The following GAB2 variants were observed in gnomAD, a reference collection of about 807,000 sequenced individuals.
GAB2 encodes GRB2-associated-binding protein 2.
Under a neutral mutation model 65.5 loss-of-function variants are expected in GAB2, and 26 were observed. The observed-to-expected ratio is 0.40, with a 90% CI of 0.29 to 0.55. GAB2 has a LOEUF of 0.55. GAB2 is among the 20% of genes least tolerant of loss of function. GAB2 has a pLI of 0.53. For synonymous variants in GAB2, 321 were observed against 329.6 expected (o/e 0.97, Z 0.28); for missense variants, 884 against 875.8 (o/e 1.01, Z -0.12).
chr11:78,351,119 G>A (rs879138604), intron 1 of GAB2, among the ~76,000 whole-genome samples: 1 of 152,128 alleles, frequency 6.6e-6, no homozygotes, highest in Non-Finnish European at 1.5e-5. Context: ...GAGAACAAGG[G>A]AGCCAGAGTT....
chr11:78,412,138 C>CAA (rs199965865), intron 1 of GAB2, among the ~76,000 whole-genome samples: 25,788 of 139,862 alleles, frequency 0.18, 2,769 homozygotes, highest in East Asian at 0.45. Context: ...AACTCCATCT[C>CAA]AAAAAAAAAA....
At chr11:78,303,511 T>C (rs1466451169) in intron 1 of GAB2, among the ~76,000 whole-genome samples, 1 of 152,188 alleles carries the variant, frequency 6.6e-6, no homozygotes, top group African/African-American at 2.4e-5. Flanking sequence ...CTTCCTATGT[T>C]TAAATAATAT....
rs751533828 is a variant in GAB2, at chr11:78,267,857, C to CAAAAAA, written c.376+12738_376+12743dup. 1.4e-3 allele frequency among the ~76,000 whole-genome samples: 47 copies of CAAAAAA among 32,768 alleles called. 2 individuals are homozygous for CAAAAAA. Among genetic ancestry groups the CAAAAAA allele is most frequent in the African/African-American group, 3.0e-3 (31 of 10,306 alleles). 21.5% of individuals were successfully genotyped at this position (32,768 alleles called of 152,430 possible). A position where few individuals can be genotyped will look rare whatever the true frequency, so the allele number is the denominator to read the frequency against. On this transcript the variant is annotated intron_variant, in intron 2 of 9. Transcript: ENST00000361507. ...TGGGTGATAGAGCGAGACTCCGTCT[C>CAAAAAA]AAAAAAAAAAAAAAAAAAAAAAAAG...
At chr11:78,301,988 T>G (rs937110596) in intron 1 of GAB2, among the ~76,000 whole-genome samples, 1 of 152,138 alleles carries the variant, frequency 6.6e-6, no homozygotes, top group Admixed American at 6.5e-5. Flanking sequence ...GCAAGCCACA[T>G]GTAGTAGAAT....
At chr11:78,308,164 G>C (rs1397111501) in intron 1 of GAB2, among the ~76,000 whole-genome samples, 1 of 152,152 alleles carries the variant, frequency 6.6e-6, no homozygotes, top group African/African-American at 2.4e-5. Context: ...AACAGGGAGA[G>C]AGAGTATAAA....
intron 1 of GAB2, among the ~76,000 whole-genome samples, chr11:78,383,581 C>CAAAAAAAAAAAAAAAAAAA (rs534814220): frequency 0.017 from 962 of 55,284 alleles, 39 homozygotes; most frequent in Middle Eastern, 0.042. Context: ...CCTGTCTCTC[C>CAAAAAAAAAAAAAAAAAAA]AAAAAAAAAA....
intron 1 of GAB2, among the ~76,000 whole-genome samples, chr11:78,322,861 A>G (rs1230831503): frequency 6.6e-6 from 1 of 151,920 alleles, no homozygotes; most frequent in African/African-American, 2.4e-5. Flanking sequence ...ATCCTTATAC[A>G]CTGTTGGTGG....
chr11:78,346,643 G>C (rs1438218613), intron 1 of GAB2, among the ~76,000 whole-genome samples: 2 of 134,262 alleles, frequency 1.5e-5, no homozygotes, highest in Admixed American at 7.8e-5. Flanking sequence ...CAAGAACAGA[G>C]AGGTATGGGC....
rs758658260 is a variant in GAB2, at chr11:78,223,384, G to T, written c.1567+28C>A. 20 of 1,489,524 alleles carry T rather than the reference G, an allele frequency of 1.3e-5. No individual in the cohort carries two copies. The Admixed American group carries it at 2.1e-4, about 16-fold the overall frequency. 92.3% of individuals were successfully genotyped at this position (1,489,524 alleles called of 1,614,324 possible). On this transcript the variant is annotated intron_variant, in intron 6 of 9. Transcript: ENST00000361507. ...AAAGAGTCCCTAGCCACTGTCCAGA[G>T]ATGGGACAGGGGAAAGAATGGACTT...
chr11:78,344,402 CA>C (rs2134695376), intron 1 of GAB2, among the ~76,000 whole-genome samples: 1 of 152,178 alleles, frequency 6.6e-6, no homozygotes, highest in East Asian at 1.9e-4. Flanking sequence ...CCAAGGTAAA[CA>C]AAAAGCAAAG....
intron 3 of GAB2, among the ~76,000 whole-genome samples, chr11:78,239,964 C>T (rs1455503031): frequency 2.0e-5 from 3 of 152,106 alleles, no homozygotes; most frequent in Admixed American, 1.3e-4. Context: ...CATTGCTAGC[C>T]CAGTGGCCCA....
Position 78,226,533 on chromosome 11 carries a change from C to T in GAB2, c.1139G>A (p.Arg380Lys), listed in dbSNP as rs777258736. 1.9e-6 allele frequency: 3 copies of T among 1,566,804 alleles called. No homozygotes were observed. The highest frequency in any genetic ancestry group is 4.8e-5 in the East Asian group (2 of 41,642). ...TCTGGGGATGGTGGCAGCGACAGAT[C>T]TGCTATTTTCACTGATTGGCGGTCT... is the stretch of plus-strand genomic sequence containing the variant. ...QQRPPISENSRSVAATIPRRN... is the reference protein window; with the variant it reads ...QQRPPISENSKSVAATIPRRN... The change falls in exon 4 of 10, where the codon AGA becomes AAA. Residue 380 changes from arginine (R) to lysine (K), a missense_variant. Physicochemically the swap from Arg to Lys is conservative, Grantham distance 26. Coordinates refer to ENST00000361507, the MANE Select transcript of GAB2 (RefSeq NM_080491.3).
chr11:78,388,867 C>T (rs1299772707), intron 1 of GAB2, among the ~76,000 whole-genome samples: 2 of 152,152 alleles, frequency 1.3e-5, no homozygotes, highest in Admixed American at 1.3e-4. Flanking sequence ...TTAACCCTTA[C>T]CTTACTTTAA....
intron 3 of GAB2, 96 bp from the exon 4 acceptor site, chr11:78,227,147 G>A (rs918922901): frequency 2.5e-6 from 2 of 800,372 alleles, no homozygotes; most frequent in African/African-American, 3.4e-5. Flanking sequence ...CTTTGGTTTA[G>A]GCATCTGTAA....
intron 1 of GAB2, among the ~76,000 whole-genome samples, chr11:78,348,502 A>G (rs552261474): frequency 6.6e-6 from 1 of 152,334 alleles, no homozygotes; most frequent in East Asian, 1.9e-4. Context: ...ACATCACTAG[A>G]CATCAGGGAA....
chr11:78,297,223 G>A (rs367892622), intron 1 of GAB2, among the ~76,000 whole-genome samples: 3 of 151,998 alleles, frequency 2.0e-5, no homozygotes, highest in East Asian at 3.9e-4. Flanking sequence ...TTTATGTCGG[G>A]AGGATGAGAA....
chr11:78,276,653 T>C (rs1400941874), intron 2 of GAB2, among the ~76,000 whole-genome samples: 2 of 152,128 alleles, frequency 1.3e-5, no homozygotes, highest in African/African-American at 2.4e-5. Context: ...GAATGCCCCA[T>C]AAGGTTTGCT....
Position 78,226,751 on chromosome 11 carries a change from C to A in GAB2, c.921G>T (p.Gly307=). 1 of 1,613,982 alleles carries A rather than the reference C, an allele frequency of 6.2e-7. No individual in the cohort carries two copies. The highest frequency in any genetic ancestry group is 8.5e-7 in the Non-Finnish European group (1 of 1,179,958). Residue 307 remains glycine (G), a synonymous_variant, in exon 4 of 10, where the codon GGG becomes GGT. Coordinates refer to ENST00000361507, the MANE Select transcript of GAB2 (RefSeq NM_080491.3). The part of the protein sequence containing the change: ...TPSNTLCREF[G]DLLVDNMDVP... The stretch of plus-strand genomic sequence containing the variant: ...CATCCATATTGTCTACCAGGAGGTC[C>A]CCGAACTCCCTGCACAGGGTGTTGC...
intron 1 of GAB2, among the ~76,000 whole-genome samples, chr11:78,344,073 G>A (rs1038279393): frequency 3.9e-5 from 6 of 152,152 alleles, no homozygotes; most frequent in Non-Finnish European, 8.8e-5. Flanking sequence ...TATGCAAGGA[G>A]TTACAAAGTT....
Sources: gnomAD v4.1 joint callset for allele counts (sites outside exome capture counted in the v4.1 genomes callset) on GRCh38, gnomAD v4.1.1 for gene constraint, MANE v1.5 for transcripts, NCBI Gene and HGNC (gene_info 2026-07-23, HGNC 2026-07-21) for gene names.